Variants in ZNF804B observed in about 807,000 individuals in gnomAD.
ZNF804B encodes the protein zinc finger protein 804B, also known as zinc finger 804B.
ZNF804B carries 80 observed loss-of-function variants against 101.4 expected under a neutral mutation model. That is an observed-to-expected ratio of 0.79 (90% confidence interval 0.66 to 0.95). The LOEUF is 0.95. Among genes scored for constraint, ZNF804B ranks in the 40% least tolerant of loss-of-function variants. The probability of loss-of-function intolerance (pLI) is 0.00; values close to 1 mark genes in which losing one functional copy is unlikely to be tolerated. For missense variants in ZNF804B, 1,673 were observed against 1,561.9 expected, an observed-to-expected ratio of 1.07 and a Z score of -1.20; for synonymous variants, 622 against 558.8, an observed-to-expected ratio of 1.11 and a Z score of -1.59.
chr7:88,904,007 T>C (rs1329589726), intron 1 of ZNF804B, among the ~76,000 whole-genome samples: 1 of 152,212 alleles, frequency 6.6e-6, no homozygotes, highest in African/African-American at 2.4e-5. Flanking sequence ...TTTTGGGGCT[T>C]AGCCAAAAAT....
chr7:88,922,483 T>C (rs1439273492), intron 1 of ZNF804B, among the ~76,000 whole-genome samples: 1 of 152,044 alleles, frequency 6.6e-6, no homozygotes, highest in African/African-American at 2.4e-5. Flanking sequence ...TAATGAAAGT[T>C]GTCTCTATAA....
At chr7:88,931,582 C>G (rs1189994309) in intron 1 of ZNF804B, among the ~76,000 whole-genome samples, 1 of 151,788 alleles carries the variant, frequency 6.6e-6, no homozygotes, top group Non-Finnish European at 1.5e-5. Flanking sequence ...GACATATCTC[C>G]TTAGTGTAAT....
chr7:89,060,186 T>C lies in ZNF804B; in HGVS notation c.109-157969T>C, dbSNP rs1429183851. On this transcript the variant is annotated intron_variant, in intron 1 of 3. Coordinates refer to ENST00000333190, the MANE Select transcript of ZNF804B (RefSeq NM_181646.5). Reference sequence around the variant, plus strand: ...TCATGGGACTTCTCAGCCACCATAATTGCATAAGTCAATTCTGCTAATAAG... The same window carrying C: ...TCATGGGACTTCTCAGCCACCATAACTGCATAAGTCAATTCTGCTAATAAG... Among the ~76,000 whole-genome samples the C allele has an allele frequency of 3.3e-5, 5 of 152,232 alleles. No homozygotes were observed. The East Asian group carries it at 9.7e-4, about 30-fold the overall frequency.
chr7:89,211,606 T>C (rs974702438), intron 1 of ZNF804B, among the ~76,000 whole-genome samples: 1 of 151,580 alleles, frequency 6.6e-6, no homozygotes, highest in Admixed American at 6.6e-5. Context: ...TCCCAGTCCT[T>C]TCCCAATTAC....
At chr7:89,012,050 C>G (rs534730219) in intron 1 of ZNF804B, among the ~76,000 whole-genome samples, 6 of 152,268 alleles carry the variant, frequency 3.9e-5, no homozygotes, top group Admixed American at 3.3e-4. Flanking sequence ...GGCAGTGGCT[C>G]CCAAACCTCA....
At chr7:89,325,578 A>T (rs1328573601) in intron 2 of ZNF804B, among the ~76,000 whole-genome samples, 1 of 152,002 alleles carries the variant, frequency 6.6e-6, no homozygotes, top group Non-Finnish European at 1.5e-5. Flanking sequence ...TGTAACTCAA[A>T]AATAAAAGTA....
At chr7:89,226,865 C>T (rs986645693) in intron 2 of ZNF804B, among the ~76,000 whole-genome samples, 1 of 152,100 alleles carries the variant, frequency 6.6e-6, no homozygotes, top group Non-Finnish European at 1.5e-5. Context: ...CTGCCTATTA[C>T]TCATTCTTTC....
rs761738065 is a variant in ZNF804B at position 89,333,417 on chromosome 7, A to G, written c.435A>G (p.Gln145=). 7 of 1,612,606 alleles carry G rather than the reference A, an allele frequency of 4.3e-6. No homozygotes were observed. The highest frequency in any genetic ancestry group is 1.7e-5 in the Admixed American group (1 of 59,764). Residue 145 remains glutamine, a synonymous_variant, in exon 4 of 4, where the codon CAA becomes CAG. Coordinates refer to ENST00000333190, the MANE Select transcript of ZNF804B (RefSeq NM_181646.5). The part of the protein sequence containing the change: ...YKAPRVAIEK[Q]LQQGIFPIKN... The stretch of plus-strand genomic sequence containing the variant: ...CCCCCAGGGTAGCCATAGAAAAGCA[A>G]CTCCAGCAAGGAATTTTCCCCATTA...
intron 1 of ZNF804B, among the ~76,000 whole-genome samples, chr7:89,083,514 T>G (rs987011931): frequency 6.8e-6 from 1 of 147,110 alleles, no homozygotes; most frequent in African/African-American, 2.5e-5. Context: ...TATTGTACAT[T>G]CCTAATAATT....
chr7:88,837,060 G>A (rs1791224179), intron 1 of ZNF804B, among the ~76,000 whole-genome samples: 1 of 151,904 alleles, frequency 6.6e-6, no homozygotes, highest in East Asian at 1.9e-4. Context: ...TCCTCATAAA[G>A]TTTTTCTGCT....
intron 1 of ZNF804B, among the ~76,000 whole-genome samples, chr7:89,021,032 A>T (rs1057451373): frequency 6.6e-6 from 1 of 152,022 alleles, no homozygotes; most frequent in Non-Finnish European, 1.5e-5. Flanking sequence ...CCTGCTTTTT[A>T]ATATCTGAGG....
At chr7:88,764,458 T>A (rs551735972) in intron 1 of ZNF804B, among the ~76,000 whole-genome samples, 17 of 152,166 alleles carry the variant, frequency 1.1e-4, no homozygotes, top group Non-Finnish European at 1.3e-4. Context: ...TTATCTTATC[T>A]TAAGTTGTAT....
chr7:88,772,135 G>A (rs1790080174), intron 1 of ZNF804B, among the ~76,000 whole-genome samples: 1 of 152,172 alleles, frequency 6.6e-6, no homozygotes, highest in Non-Finnish European at 1.5e-5. Flanking sequence ...TTTAAACTAC[G>A]TTTAATGTTC....
chr7:88,962,959 A>G (rs1301929136), intron 1 of ZNF804B, among the ~76,000 whole-genome samples: 1 of 150,682 alleles, frequency 6.6e-6, no homozygotes, highest in Non-Finnish European at 1.5e-5. Context: ...GACAATTAAC[A>G]TGTTTAGCTT....
intron 1 of ZNF804B, among the ~76,000 whole-genome samples, chr7:88,834,156 C>G (rs1228244686): frequency 2.0e-5 from 3 of 151,690 alleles, no homozygotes; most frequent in African/African-American, 7.3e-5. Context: ...GAGTAAATGG[C>G]TGTTCTATAT....
chr7:88,892,609 G>C (rs1319878676), intron 1 of ZNF804B, among the ~76,000 whole-genome samples: 1 of 152,062 alleles, frequency 6.6e-6, no homozygotes, highest in Non-Finnish European at 1.5e-5. Context: ...GTTGTTCTTT[G>C]AGATTCCTAA....
chr7:89,206,650 G>T (rs1291200765), intron 1 of ZNF804B, among the ~76,000 whole-genome samples: 2 of 152,148 alleles, frequency 1.3e-5, no homozygotes, highest in African/African-American at 2.4e-5. Context: ...TACTCAGGAG[G>T]CTGAGGCAGG....
chr7:89,030,749 G>T (rs896657033), intron 1 of ZNF804B, among the ~76,000 whole-genome samples: 3 of 151,944 alleles, frequency 2.0e-5, no homozygotes, highest in Non-Finnish European at 4.4e-5. Flanking sequence ...CTATTCAATT[G>T]CTCCCTTTTG....
At chr7:89,207,999 T>C (rs937399897) in intron 1 of ZNF804B, among the ~76,000 whole-genome samples, 3 of 152,170 alleles carry the variant, frequency 2.0e-5, no homozygotes, top group Admixed American at 2.0e-4. Flanking sequence ...AAACTGATAG[T>C]CTTTCCATTT....
Sources: gnomAD v4.1 joint callset for allele counts (sites outside exome capture counted in the v4.1 genomes callset) on GRCh38, gnomAD v4.1.1 for gene constraint, MANE v1.5 for transcripts, NCBI Gene and HGNC (gene_info 2026-07-23, HGNC 2026-07-21) for gene names.